The following NBEA variants were observed in gnomAD, a reference collection of about 807,000 sequenced individuals.
NBEA encodes neurobeachin.
In NBEA, 44 loss-of-function variants were observed where a neutral mutation model predicts 343.4. That is an observed-to-expected ratio of 0.13 (90% CI 0.10 to 0.16). The LOEUF (loss-of-function observed/expected upper bound fraction) is 0.16. Among genes scored for constraint, NBEA ranks in the 10% least tolerant of loss-of-function variants. NBEA has a pLI of 1.00. For synonymous variants in NBEA, 1,175 were observed against 1,238.7 expected (o/e 0.95, Z 1.08); for missense variants, 2,555 against 3,631.3 (o/e 0.70, Z 7.62).
At chr13:35,426,264 A>G (rs1488503264) in intron 38 of NBEA, among the ~76,000 whole-genome samples, 1 of 152,166 alleles carries the variant, frequency 6.6e-6, no homozygotes, top group African/African-American at 2.4e-5. Flanking sequence ...ACAATTTGGC[A>G]TGTTTTTGCA....
chr13:35,308,468 A>ATGTG (rs1566597048), intron 35 of NBEA, among the ~76,000 whole-genome samples: 2 of 94,864 alleles, frequency 2.1e-5, no homozygotes, highest in Non-Finnish European at 4.2e-5. Flanking sequence ...ATATATATAT[A>ATGTG]TATATGTATA....
At chr13:34,979,968 T>C (rs1355576377) in intron 1 of NBEA, among the ~76,000 whole-genome samples, 1 of 152,190 alleles carries the variant, frequency 6.6e-6, no homozygotes, top group Non-Finnish European at 1.5e-5. Context: ...GAGACTTTGC[T>C]TTTTCTATTG....
intron 38 of NBEA, among the ~76,000 whole-genome samples, chr13:35,385,423 G>A (rs1439035996): frequency 6.6e-6 from 1 of 152,174 alleles, no homozygotes; most frequent in Non-Finnish European, 1.5e-5. Flanking sequence ...AGTTGGGCCA[G>A]GAATGGTGGC....
At chr13:35,261,639 C>T (rs898062044) in intron 34 of NBEA, among the ~76,000 whole-genome samples, 5 of 151,660 alleles carry the variant, frequency 3.3e-5, no homozygotes, top group Non-Finnish European at 7.4e-5. Flanking sequence ...TGACTTGAGC[C>T]GAATATTTTA....
intron 34 of NBEA, among the ~76,000 whole-genome samples, chr13:35,261,242 A>G (rs1276843661): frequency 6.6e-6 from 1 of 152,194 alleles, no homozygotes; most frequent in South Asian, 2.1e-4. Flanking sequence ...GCCAAGTGCC[A>G]TGGCTCATGC....
At position 35,196,687 on chromosome 13, in the gene NBEA, A is replaced by C. The variant is rs376066250; in HGVS notation, c.5366+385A>C. 9.9e-5 allele frequency among the ~76,000 whole-genome samples: 15 copies of C among 152,220 alleles called. No individual in the cohort carries two copies. In the South Asian group the frequency reaches 2.7e-3, roughly 27 times the overall value. On this transcript the variant is annotated intron_variant, in intron 31 of 58. Coordinates refer to ENST00000379939, the MANE Select transcript of NBEA (RefSeq NM_001385012.1). ...ATCCTGGCTCTGAAATTCCATTATA[A>C]TATTATAAAATACTATAATAATTGT...
intron 35 of NBEA, among the ~76,000 whole-genome samples, chr13:35,293,046 C>T (rs545642964): frequency 2.6e-5 from 4 of 151,922 alleles, no homozygotes; most frequent in Non-Finnish European, 5.9e-5. Flanking sequence ...CTGTTAGCAA[C>T]TACATATTAT....
chr13:35,312,936 G>C (rs578085804), intron 36 of NBEA, among the ~76,000 whole-genome samples: 6 of 152,304 alleles, frequency 3.9e-5, no homozygotes, highest in African/African-American at 1.4e-4. Context: ...ATGTTCAATA[G>C]GCATGGGCAT....
At chr13:35,655,034 T>C (rs754246862) in intron 54 of NBEA, 24 bp downstream of exon 54, 6 of 1,455,974 alleles carry the variant, frequency 4.1e-6, no homozygotes, top group Middle Eastern at 1.8e-4. Context: ...TGAAACACCA[T>C]ATTCTCTTCA....
chr13:35,069,391 G>T (rs1260465290), intron 8 of NBEA, among the ~76,000 whole-genome samples: 1 of 151,996 alleles, frequency 6.6e-6, no homozygotes, highest in East Asian at 1.9e-4. Flanking sequence ...TCTGAGTTTT[G>T]TATGTATATT....
chr13:35,412,924 A>T (rs1331214118), intron 38 of NBEA, among the ~76,000 whole-genome samples: 1 of 152,152 alleles, frequency 6.6e-6, no homozygotes, highest in East Asian at 1.9e-4. Flanking sequence ...ACAATGAATT[A>T]ATAATAGTAC....
At chr13:35,642,104 C>G (rs1454380430) in intron 49 of NBEA, among the ~76,000 whole-genome samples, 2 of 152,102 alleles carry the variant, frequency 1.3e-5, no homozygotes, top group African/African-American at 4.8e-5. Flanking sequence ...TGTGAAACAT[C>G]AAACGTTTTG....
At chr13:35,374,516 A>G (rs2041633323) in intron 38 of NBEA, among the ~76,000 whole-genome samples, 1 of 152,202 alleles carries the variant, frequency 6.6e-6, no homozygotes, top group South Asian at 2.1e-4. Context: ...GGAAAAATAC[A>G]GTTATCTGTG....
intron 29 of NBEA, among the ~76,000 whole-genome samples, chr13:35,183,496 T>C (rs1465165698): frequency 1.3e-5 from 2 of 152,096 alleles, no homozygotes; most frequent in African/African-American, 4.8e-5. Flanking sequence ...ATATGGATTA[T>C]GTTTTAGCTA....
Position 35,341,489 on chromosome 13 carries a change from T to C in NBEA, c.5904-7619T>C, listed in dbSNP as rs116816983. ...AATTGAAATCAATGTTTGCAAATCA[T>C]GTGTCTAATAAAAGTCTAATCTCCA... On this transcript the variant is annotated intron_variant, in intron 36 of 58. Coordinates refer to ENST00000379939, the MANE Select transcript of NBEA (RefSeq NM_001385012.1). 5.9e-3 allele frequency among the ~76,000 whole-genome samples: 903 copies of C among 152,154 alleles called. 12 individuals are homozygous for C. The highest frequency in any genetic ancestry group is 0.021 in the African/African-American group (860 of 41,548).
chr13:35,482,909 T>C (rs1039194934), intron 41 of NBEA, among the ~76,000 whole-genome samples: 1 of 151,826 alleles, frequency 6.6e-6, no homozygotes, highest in Admixed American at 6.6e-5. Context: ...TTATTTTTAT[T>C]TGGAAATTTT....
At chr13:35,225,941 C>T (rs1049492587) in intron 33 of NBEA, among the ~76,000 whole-genome samples, 1 of 151,992 alleles carries the variant, frequency 6.6e-6, no homozygotes, top group Non-Finnish European at 1.5e-5. Flanking sequence ...TAGAAGTCCT[C>T]TATTTAATTT....
intron 38 of NBEA, among the ~76,000 whole-genome samples, chr13:35,388,515 G>A (rs1426284772): frequency 6.6e-6 from 1 of 151,954 alleles, no homozygotes; most frequent in East Asian, 1.9e-4. Flanking sequence ...TTTTTATTAA[G>A]CCTGTGTTAT....
intron 33 of NBEA, among the ~76,000 whole-genome samples, chr13:35,214,999 A>T (rs73491641): frequency 0.023 from 3,407 of 148,522 alleles, 96 homozygotes; most frequent in African/African-American, 0.075. Flanking sequence ...TCTAGACTCC[A>T]TTCTGTCCCA....
Sources: gnomAD v4.1 joint callset for allele counts (sites outside exome capture counted in the v4.1 genomes callset) on GRCh38, gnomAD v4.1.1 for gene constraint, MANE v1.5 for transcripts, NCBI Gene and HGNC (gene_info 2026-07-23, HGNC 2026-07-21) for gene names.